The following TTC28 variants were observed in gnomAD, a reference collection of about 807,000 sequenced individuals.
The protein encoded by TTC28 is tetratricopeptide repeat domain 28, also known as tetratricopeptide repeat protein 28.
In TTC28, 61 loss-of-function variants were observed where a neutral mutation model predicts 198.0. That is an observed-to-expected ratio of 0.31 (90% confidence interval 0.25 to 0.38). The LOEUF (loss-of-function observed/expected upper bound fraction) is 0.38, where lower values mean the gene tolerates loss of function less well. Among genes scored for constraint, TTC28 ranks in the 10% least tolerant of loss-of-function variants. The pLI, the probability that TTC28 is intolerant of heterozygous loss-of-function variation, is 1.00. For missense variants in TTC28, 2,678 were observed against 3,164.0 expected, an observed-to-expected ratio of 0.85 and a Z score of 3.69; for synonymous variants, 1,171 against 1,297.8, an observed-to-expected ratio of 0.90 and a Z score of 2.10.
At chr22:28,368,545 G>A (rs1434648932) in intron 2 of TTC28, among the ~76,000 whole-genome samples, 1 of 151,972 alleles carries the variant, frequency 6.6e-6, no homozygotes, top group Non-Finnish European at 1.5e-5. Flanking sequence ...GTCCTAGCCA[G>A]AGCAATCAAA....
At chr22:28,532,011 A>G (rs566479170) in intron 2 of TTC28, among the ~76,000 whole-genome samples, 1 of 152,378 alleles carries the variant, frequency 6.6e-6, no homozygotes, top group Non-Finnish European at 1.5e-5. Context: ...TTGAGAAGCA[A>G]GAGCAAACAC....
intron 5 of TTC28, among the ~76,000 whole-genome samples, chr22:28,170,517 T>C (rs2147080634): frequency 6.8e-6 from 1 of 147,736 alleles, no homozygotes; most frequent in South Asian, 2.1e-4. Context: ...AAAAAGAAAA[T>C]CGAAATTAAT....
chr22:28,575,760 G>A (rs1481419594), intron 2 of TTC28, among the ~76,000 whole-genome samples: 1 of 151,992 alleles, frequency 6.6e-6, no homozygotes, highest in Non-Finnish European at 1.5e-5. Context: ...TATATTATAT[G>A]TAGCTATTGC....
chr22:28,671,980 T>C (rs961634509), intron 1 of TTC28, among the ~76,000 whole-genome samples: 1 of 151,536 alleles, frequency 6.6e-6, no homozygotes, highest in African/African-American at 2.4e-5. Context: ...CTGGACAAAA[T>C]AAGGCTTTTA....
At chr22:28,371,529 A>AAAAAAAAAAAAAG (rs71194763) in intron 2 of TTC28, among the ~76,000 whole-genome samples, 1 of 125,698 alleles carries the variant, frequency 8.0e-6, no homozygotes, top group African/African-American at 2.9e-5. Context: ...AAAAAAAAAA[A>AAAAAAAAAAAAAG]GAGTTCAGAA....
At chr22:28,504,509 A>T (rs2048578383) in intron 2 of TTC28, among the ~76,000 whole-genome samples, 1 of 152,170 alleles carries the variant, frequency 6.6e-6, no homozygotes, top group African/African-American at 2.4e-5. Flanking sequence ...TATTATAATG[A>T]TGTGGTGTTT....
chr22:28,472,924 A>C (rs1293107660), intron 2 of TTC28, among the ~76,000 whole-genome samples: 1 of 152,198 alleles, frequency 6.6e-6, no homozygotes, highest in Non-Finnish European at 1.5e-5. Context: ...AGAATGGAGA[A>C]AGAAAGGATT....
At chr22:28,248,584 A>G (rs1285602927) in intron 5 of TTC28, among the ~76,000 whole-genome samples, 1 of 152,162 alleles carries the variant, frequency 6.6e-6, no homozygotes, top group Admixed American at 6.5e-5. Flanking sequence ...AACTTGGAAT[A>G]TGATACCACT....
At chr22:28,643,742 A>G (rs2051407898) in intron 1 of TTC28, among the ~76,000 whole-genome samples, 1 of 152,222 alleles carries the variant, frequency 6.6e-6, no homozygotes, top group Non-Finnish European at 1.5e-5. Flanking sequence ...AGACTTTAAT[A>G]TGTTAACGTA....
chr22:28,553,424 G>C (rs1305890982), intron 2 of TTC28, among the ~76,000 whole-genome samples: 1 of 149,516 alleles, frequency 6.7e-6, no homozygotes, highest in Non-Finnish European at 1.5e-5. Context: ...TGTGGGGAGC[G>C]CCTCTGCCCC....
intron 2 of TTC28, among the ~76,000 whole-genome samples, chr22:28,500,702 C>A (rs912832187): frequency 2.0e-5 from 3 of 152,094 alleles, no homozygotes; most frequent in African/African-American, 7.2e-5. Context: ...TTCCGTATCA[C>A]AGCAATCCCA....
intron 6 of TTC28, among the ~76,000 whole-genome samples, chr22:28,137,905 C>T (rs907341575): frequency 6.6e-6 from 1 of 152,076 alleles, no homozygotes; most frequent in Non-Finnish European, 1.5e-5. Flanking sequence ...ATCCCAGCTA[C>T]CCGGCAGGCT....
chr22:28,054,398 A>G (rs145183728), intron 12 of TTC28, among the ~76,000 whole-genome samples: 25 of 152,294 alleles, frequency 1.6e-4, no homozygotes, highest in African/African-American at 5.8e-4. Context: ...TGCAAAACCA[A>G]TATTTCCAGG....
intron 12 of TTC28, among the ~76,000 whole-genome samples, chr22:28,059,892 G>T (rs1013952292): frequency 1.5e-5 from 2 of 136,442 alleles, no homozygotes; most frequent in African/African-American, 5.2e-5. Flanking sequence ...TATGATTACC[G>T]TTTACATGGT....
chr22:27,998,513 G>A, intron 16 of TTC28, 27 bp downstream of exon 16: 6 of 1,534,242 alleles, frequency 3.9e-6, no homozygotes, highest in East Asian at 2.5e-5. Flanking sequence ...GGCCTTGACA[G>A]GCACCCGCAG....
At chr22:28,626,355 T>TA (rs1443337175) in intron 2 of TTC28, among the ~76,000 whole-genome samples, 1 of 152,034 alleles carries the variant, frequency 6.6e-6, no homozygotes, top group East Asian at 1.9e-4. Flanking sequence ...GATCCTTACA[T>TA]AAAAAATTAA....
At chr22:28,061,125 T>C (rs1398769390) in intron 12 of TTC28, among the ~76,000 whole-genome samples, 1 of 152,234 alleles carries the variant, frequency 6.6e-6, no homozygotes, top group African/African-American at 2.4e-5. Flanking sequence ...TAGCCCTTTG[T>C]CAGATGGGTA....
intron 14 of TTC28, chr22:28,002,310 G>A (rs138656): frequency 0.059 from 8,922 of 152,498 alleles, 367 homozygotes; most frequent in Non-Finnish European, 0.083. Context: ...AAGAGGTGGC[G>A]TGGAAGCTGC....
chr22:28,389,476 C>T (rs1235644003), intron 2 of TTC28, among the ~76,000 whole-genome samples: 4 of 149,432 alleles, frequency 2.7e-5, no homozygotes, highest in Non-Finnish European at 5.9e-5. Flanking sequence ...TGGTCCTGGA[C>T]TCTTTTTGGT....
Sources: allele counts gnomAD v4.1 joint callset (sites outside exome capture counted in the v4.1 genomes callset), GRCh38; gene constraint gnomAD v4.1.1; transcripts MANE v1.5; gene names NCBI Gene and HGNC (gene_info 2026-07-23, HGNC 2026-07-21).